Variants in NTN1 observed in about 807,000 individuals in gnomAD.
NTN1 encodes the protein netrin 1.
NTN1 carries 11 observed loss-of-function variants against 54.2 expected under a neutral mutation model. That is an observed-to-expected ratio of 0.20 (90% CI 0.13 to 0.34). The LOEUF (loss-of-function observed/expected upper bound fraction) is 0.34. Among genes scored for constraint, NTN1 ranks in the 10% least tolerant of loss-of-function variants. The pLI, the probability that NTN1 is intolerant of heterozygous loss-of-function variation, is 1.00. For missense variants in NTN1, 740 were observed against 893.1 expected (o/e 0.83, Z 2.18); for synonymous variants, 371 against 382.0 (o/e 0.97, Z 0.33).
the NTN1 span, among the ~76,000 whole-genome samples, chr17:9,016,457 G>C: frequency 2.0e-5 from 3 of 152,120 alleles, no homozygotes; most frequent in Non-Finnish European, 4.4e-5. Context: ...CCACCTCATA[G>C]TCTTCTCTTT....
chr17:9,074,171 C>T (rs753905313), intron 2 of NTN1, among the ~76,000 whole-genome samples: 5 of 152,212 alleles, frequency 3.3e-5, no homozygotes, highest in East Asian at 1.9e-4. Flanking sequence ...CCGGCTCTCG[C>T]GAACCAGTGC....
intron 2 of NTN1, among the ~76,000 whole-genome samples, chr17:9,151,004 T>A (rs917337400): frequency 6.6e-6 from 1 of 152,060 alleles, no homozygotes; most frequent in African/African-American, 2.4e-5. Context: ...CCCTCTCCGG[T>A]CTGTTTGCCG....
intron 2 of NTN1, among the ~76,000 whole-genome samples, chr17:9,036,754 C>T (rs923988293): frequency 1.3e-5 from 2 of 152,148 alleles, no homozygotes; most frequent in African/African-American, 4.8e-5. Flanking sequence ...AGGACTTCTT[C>T]AGTCTTCCTT....
chr17:9,017,797 G>A (rs1484127416), upstream of NTN1, among the ~76,000 whole-genome samples: 1 of 152,156 alleles, frequency 6.6e-6, no homozygotes, highest in Non-Finnish European at 1.5e-5. Flanking sequence ...AACTTCTCAC[G>A]ACACTTGGAC....
chr17:9,069,877 C>T (rs182481486), intron 2 of NTN1, among the ~76,000 whole-genome samples: 8 of 152,290 alleles, frequency 5.3e-5, no homozygotes, highest in Admixed American at 1.3e-4. Context: ...ACCAAGACCC[C>T]GTGTCACAGC....
chr17:9,079,792 A>AG (rs397856797), intron 2 of NTN1, among the ~76,000 whole-genome samples: 1 of 14,014 alleles, frequency 7.1e-5, no homozygotes, highest in Admixed American at 8.4e-4. Flanking sequence ...GTGGTTCCTC[A>AG]GCAGGCCTGT....
chr17:9,071,068 T>C (rs527504080), intron 2 of NTN1, among the ~76,000 whole-genome samples: 1 of 152,210 alleles, frequency 6.6e-6, no homozygotes, highest in Non-Finnish European at 1.5e-5. Context: ...CTCTTCCCAT[T>C]GCCCGCAGAC....
chr17:9,038,877 G>A (rs987910715), intron 2 of NTN1, among the ~76,000 whole-genome samples: 1 of 152,028 alleles, frequency 6.6e-6, no homozygotes, highest in African/African-American at 2.4e-5. Flanking sequence ...AGTCCACCTT[G>A]TTGCCAGAAC....
At chr17:9,004,913 C>T in the NTN1 span, among the ~76,000 whole-genome samples, 1 of 152,020 alleles carries the variant, frequency 6.6e-6, no homozygotes, top group Non-Finnish European at 1.5e-5. Context: ...AGATGCGTGT[C>T]CCAGGTGTGT....
rs1233929663 is a variant in NTN1, at chr17:9,049,142, TGAAA to T, written c.1018+25759_1018+25762del. On this transcript the variant is annotated intron_variant, in intron 2 of 6. Transcript: ENST00000173229. ...CAAATAATAATTGTAAAAAATGAAA[TGAAA>T]GAAAGAATGGTGAAAATAGAAAATC... Among the ~76,000 whole-genome samples the T allele has an allele frequency of 1.6e-4, 24 of 151,996 alleles. 1 individual carries two copies. The South Asian group carries it at 2.5e-3, about 16-fold the overall frequency.
intron 2 of NTN1, among the ~76,000 whole-genome samples, chr17:9,097,137 G>T (rs1408592220): frequency 6.6e-6 from 1 of 151,868 alleles, no homozygotes. Flanking sequence ...ATAAACCATT[G>T]TTTTAATTGA....
chr17:9,123,343 A>G (rs1299726486), intron 2 of NTN1, among the ~76,000 whole-genome samples: 2 of 152,234 alleles, frequency 1.3e-5, no homozygotes, highest in African/African-American at 2.4e-5. Context: ...GGGGGCGTTA[A>G]TAAGTTTTCC....
intron 2 of NTN1, among the ~76,000 whole-genome samples, chr17:9,083,981 G>C (rs906867096): frequency 1.3e-5 from 2 of 152,238 alleles, no homozygotes; most frequent in Admixed American, 1.3e-4. Flanking sequence ...GAGCCACCGG[G>C]CTGGGGAAGG....
intron 6 of NTN1, among the ~76,000 whole-genome samples, chr17:9,223,233 A>C (rs1335506841): frequency 6.6e-6 from 1 of 152,180 alleles, no homozygotes; most frequent in South Asian, 2.1e-4. Context: ...CCAAGCCAGG[A>C]AAGTAGGGGC....
intron 5 of NTN1, among the ~76,000 whole-genome samples, chr17:9,218,370 A>G (rs1386248871): frequency 6.6e-6 from 1 of 152,344 alleles, no homozygotes; most frequent in East Asian, 1.9e-4. Flanking sequence ...CCGTGAGAAC[A>G]GTGCCCAGCG....
At chr17:9,167,583 T>G (rs1437906143) in intron 3 of NTN1, among the ~76,000 whole-genome samples, 1 of 152,150 alleles carries the variant, frequency 6.6e-6, no homozygotes, top group African/African-American at 2.4e-5. Flanking sequence ...ACAGTTCGTG[T>G]GGTTGAATGA....
chr17:9,028,668 C>T (rs1210318518), intron 2 of NTN1, among the ~76,000 whole-genome samples: 4 of 152,198 alleles, frequency 2.6e-5, no homozygotes, highest in African/African-American at 9.6e-5. Context: ...CTGCTCACAG[C>T]TGGTGTCGAT....
intron 2 of NTN1, among the ~76,000 whole-genome samples, chr17:9,045,890 A>T (rs1286438995): frequency 6.6e-6 from 1 of 152,182 alleles, no homozygotes; most frequent in African/African-American, 2.4e-5. Context: ...TCAGAGACTT[A>T]AAAAAAGTAA....
intron 3 of NTN1, chr17:9,175,010 C>T (rs3785975): frequency 0.098 from 15,008 of 152,446 alleles, 985 homozygotes; most frequent in East Asian, 0.22. Flanking sequence ...TTTGAAGGTC[C>T]TGCCTGACCT....
Sources: allele counts gnomAD v4.1 joint callset (sites outside exome capture counted in the v4.1 genomes callset), GRCh38; gene constraint gnomAD v4.1.1; transcripts MANE v1.5; gene names NCBI Gene and HGNC (gene_info 2026-07-23, HGNC 2026-07-21).